Variants in TRIM44 observed in about 807,000 individuals in gnomAD.
The protein encoded by TRIM44 is tripartite motif-containing protein 44.
A neutral mutation model predicts 37.4 loss-of-function variants in TRIM44; 13 were observed. That is an observed-to-expected ratio of 0.35 (90% CI 0.23 to 0.55). The LOEUF (loss-of-function observed/expected upper bound fraction) is 0.55, where lower values mean the gene tolerates loss of function less well. TRIM44 is among the 20% of genes least tolerant of loss of function. The pLI, the probability that TRIM44 is intolerant of heterozygous loss-of-function variation, is 0.89. For missense variants in TRIM44, 426 were observed against 437.2 expected, an observed-to-expected ratio of 0.97 and a Z score of 0.23; for synonymous variants, 175 against 157.2, an observed-to-expected ratio of 1.11 and a Z score of -0.85.
At chr11:35,754,522 T>C (rs1424525526) in intron 4 of TRIM44, among the ~76,000 whole-genome samples, 1 of 152,208 alleles carries the variant, frequency 6.6e-6, no homozygotes, top group African/African-American at 2.4e-5. Context: ...TTTTTTATTA[T>C]ACTTTAAGTT....
chr11:35,764,885 A>G (rs11033268), intron 4 of TRIM44, among the ~76,000 whole-genome samples: 4,085 of 152,272 alleles, frequency 0.027, 139 homozygotes, highest in African/African-American at 0.077. Flanking sequence ...TTTATTATGC[A>G]GTATGAGCTC....
chr11:35,685,287 C>T lies in TRIM44; in HGVS notation c.698C>T (p.Ala233Val). ...AAAGACTCAGGTGGACTGAAGGCCG[C>T]TATGATCGAATTGGTGGAAAGGTTG... ...RSKDSGGLKAAMIELVERLKF... is the reference protein window; with the variant it reads ...RSKDSGGLKAVMIELVERLKF... Residue 233 changes from alanine (A) to valine (V), a missense_variant, in exon 2 of 5, where the codon GCT becomes GTT. Transcript: ENST00000299413. 3 of 1,614,208 alleles carry T rather than the reference C, an allele frequency of 1.9e-6. No individual in the cohort carries two copies. The South Asian group carries it at 3.3e-5, about 18-fold the overall frequency.
At chr11:35,696,886 A>G (rs1851707526) in intron 2 of TRIM44, among the ~76,000 whole-genome samples, 1 of 152,094 alleles carries the variant, frequency 6.6e-6, no homozygotes, top group Admixed American at 6.5e-5. Context: ...TTAATTAAAT[A>G]AAAGGCAAAC....
chr11:35,686,768 G>C (rs962503233), intron 2 of TRIM44, among the ~76,000 whole-genome samples: 1 of 152,156 alleles, frequency 6.6e-6, no homozygotes, highest in Non-Finnish European at 1.5e-5. Flanking sequence ...ATGTTGGCCA[G>C]GCTGGTTTCG....
intron 2 of TRIM44, among the ~76,000 whole-genome samples, chr11:35,694,447 C>A (rs1444309109): frequency 6.6e-6 from 1 of 152,062 alleles, no homozygotes; most frequent in East Asian, 1.9e-4. Flanking sequence ...GGGCCTTCAT[C>A]TTTTACCTTA....
At chr11:35,677,578 C>T (rs1473839181) in intron 1 of TRIM44, among the ~76,000 whole-genome samples, 1 of 152,044 alleles carries the variant, frequency 6.6e-6, no homozygotes, top group Non-Finnish European at 1.5e-5. Flanking sequence ...CATATTCTTT[C>T]ATTTAATGTT....
At chr11:35,754,676 C>T (rs1158510363) in intron 4 of TRIM44, among the ~76,000 whole-genome samples, 5 of 137,416 alleles carry the variant, frequency 3.6e-5, no homozygotes, top group African/African-American at 5.3e-5. Context: ...CACAGCAGGC[C>T]CCGGTGTGTG....
chr11:35,772,638 T>G (rs745857849), intron 4 of TRIM44, among the ~76,000 whole-genome samples: 26 of 152,358 alleles, frequency 1.7e-4, no homozygotes, highest in Middle Eastern at 3.4e-3. Flanking sequence ...TGGTAGCCCC[T>G]TTGTTTTGGC....
intron 3 of TRIM44, among the ~76,000 whole-genome samples, chr11:35,730,591 G>C (rs1439996461): frequency 4.6e-5 from 7 of 152,080 alleles, no homozygotes; most frequent in Admixed American, 4.6e-4. Context: ...TGAAAGCAGA[G>C]TAGCTAAAGA....
At chr11:35,746,700 G>T (rs1216465906) in intron 4 of TRIM44, among the ~76,000 whole-genome samples, 1 of 152,062 alleles carries the variant, frequency 6.6e-6, no homozygotes. Context: ...TACAACTGGA[G>T]TACCCTAAAT....
At chr11:35,684,785 A>T (rs970904250) in intron 1 of TRIM44, among the ~76,000 whole-genome samples, 8 of 152,066 alleles carry the variant, frequency 5.3e-5, no homozygotes, top group Admixed American at 2.0e-4. Context: ...CAGTTAAAAA[A>T]CCTGTGTTCT....
At chr11:35,735,064 G>C (rs918617523) in intron 3 of TRIM44, among the ~76,000 whole-genome samples, 2 of 152,160 alleles carry the variant, frequency 1.3e-5, no homozygotes, top group African/African-American at 4.8e-5. Flanking sequence ...GATGTTTTTG[G>C]AACTGGCTAG....
Position 35,732,249 on chromosome 11 carries a change from C to T in TRIM44, c.988-3177C>T, listed in dbSNP as rs567567751. Among the ~76,000 whole-genome samples the T allele has an allele frequency of 9.9e-5, 15 of 152,222 alleles. No individual in the cohort carries two copies. In the East Asian group the frequency reaches 2.7e-3, roughly 27 times the overall value. On this transcript the variant is annotated intron_variant, in intron 3 of 4. Transcript: ENST00000299413. ...ACAGCCTTGTTTGATTCTTGGTGAA[C>T]AACATTTCCACTGGTGGAGGTAGAA... is the stretch of plus-strand genomic sequence containing the variant.
At chr11:35,717,730 G>A (rs1158355919) in intron 2 of TRIM44, among the ~76,000 whole-genome samples, 1 of 152,102 alleles carries the variant, frequency 6.6e-6, no homozygotes, top group Non-Finnish European at 1.5e-5. Flanking sequence ...ATTCAGAACA[G>A]AGGAAAGCAC....
chr11:35,765,822 T>C (rs1444154528), intron 4 of TRIM44, among the ~76,000 whole-genome samples: 1 of 152,232 alleles, frequency 6.6e-6, no homozygotes, highest in Non-Finnish European at 1.5e-5. Flanking sequence ...AGTTTCTTTT[T>C]AACCATCCCC....
chr11:35,708,777 G>A (rs1190466977), intron 2 of TRIM44, among the ~76,000 whole-genome samples: 1 of 151,998 alleles, frequency 6.6e-6, no homozygotes, highest in Admixed American at 6.6e-5. Flanking sequence ...GTGGGGAGGA[G>A]GGAGGGAGAG....
chr11:35,696,307 A>G (rs905772634), intron 2 of TRIM44, among the ~76,000 whole-genome samples: 7 of 151,486 alleles, frequency 4.6e-5, no homozygotes, highest in Admixed American at 2.6e-4. Context: ...ATGCCCAGCT[A>G]ATTTTTTTGT....
chr11:35,753,003 A>G (rs1852577833), intron 4 of TRIM44, among the ~76,000 whole-genome samples: 2 of 152,228 alleles, frequency 1.3e-5, no homozygotes, highest in Non-Finnish European at 2.9e-5. Context: ...AGAGCATAAC[A>G]GGCATTTATT....
At chr11:35,723,387 C>T (rs910554361) in intron 2 of TRIM44, among the ~76,000 whole-genome samples, 2 of 152,156 alleles carry the variant, frequency 1.3e-5, no homozygotes, top group African/African-American at 2.4e-5. Context: ...TTCCACTTCA[C>T]CCTAATGCAA....
Sources: allele counts gnomAD v4.1 joint callset (sites outside exome capture counted in the v4.1 genomes callset), GRCh38; gene constraint gnomAD v4.1.1; transcripts MANE v1.5; gene names NCBI Gene and HGNC (gene_info 2026-07-23, HGNC 2026-07-21).